FXYD3: variants seen among roughly 807,000 people sequenced by gnomAD.
The protein encoded by FXYD3 is FXYD domain containing ion transport regulator 3, also known as FXYD domain-containing ion transport regulator 3.
A neutral mutation model predicts 19.2 loss-of-function variants in FXYD3; 13 were observed. That is an observed-to-expected ratio of 0.68 (90% CI 0.44 to 1.08). FXYD3 has a LOEUF of 1.08. Among genes scored for constraint, FXYD3 ranks in the 50% least tolerant of loss-of-function variants. The pLI is 0.00. For missense variants in FXYD3, 101 were observed against 109.4 expected (o/e 0.92, Z 0.34); for synonymous variants, 48 against 38.9 (o/e 1.23, Z -0.87).
intron 2 of FXYD3, among the ~76,000 whole-genome samples, chr19:35,117,741 T>C (rs1600439869): frequency 5.3e-4 from 7 of 13,244 alleles, no homozygotes; most frequent in Admixed American, 8.4e-4. Context: ...CCCCAAAGCC[T>C]CAGGCTTTCT....
chr19:35,119,306 C>A, intron 2 of FXYD3, 57 bp from the exon 3 acceptor site: 4 of 1,607,708 alleles, frequency 2.5e-6, no homozygotes, highest in Non-Finnish European at 3.4e-6. Flanking sequence ...GAGCCACAGG[C>A]ACAGGGCCAG....
intron 6 of FXYD3, 26 bp from the exon 7 acceptor site, chr19:35,122,892 C>T (rs776478399): frequency 1.9e-5 from 30 of 1,613,562 alleles, no homozygotes; most frequent in Non-Finnish European, 2.4e-5. Flanking sequence ...GCTCCCCTCC[C>T]CTGACCACTC....
intron 5 of FXYD3, 192 bp downstream of exon 5, chr19:35,121,437 T>G: frequency 1.3e-6 from 2 of 1,506,898 alleles, no homozygotes; most frequent in South Asian, 2.6e-5. Context: ...TTGGGAAGGT[T>G]CTATTCCAGC....
In FXYD3 at chr19:35,119,543, G is replaced by A. The variant is rs577066482; in HGVS notation, c.40+127G>A. 26 of 827,750 alleles carry A rather than the reference G, an allele frequency of 3.1e-5. No homozygotes were observed. In the South Asian group the frequency reaches 4.0e-4, roughly 13 times the overall value. The allele number at this position is 827,750 out of a possible 1,614,324, so 51.3% of individuals were successfully genotyped here. On this transcript the variant is annotated intron_variant, in intron 3 of 8. Coordinates refer to ENST00000604404, the MANE Select transcript of FXYD3 (RefSeq NM_005971.4). Reference sequence around the variant, plus strand: ...GTAAATGTTAGAACAGCATCTCCCTGAGGGTAAGAAAAGTCAGACTAGTGA... The same window carrying A: ...GTAAATGTTAGAACAGCATCTCCCTAAGGGTAAGAAAAGTCAGACTAGTGA...
Position 35,116,252 on chromosome 19 carries a change from C to T in FXYD3, c.-110-12C>T, listed in dbSNP as rs1363693869. ...GGCCTCAGGGCATCTGACTTGTTTT[C>T]TACCTGCCCAGGTTTGCTTAGGGCG... On this transcript the variant is annotated splice_polypyrimidine_tract_variant and intron_variant, in intron 1 of 8. Coordinates refer to ENST00000604404, the MANE Select transcript of FXYD3 (RefSeq NM_005971.4). The T allele has an allele frequency of 1.0e-6, 1 of 985,274 alleles. No individual in the cohort carries two copies. The highest frequency in any genetic ancestry group is 1.1e-4 in the East Asian group (1 of 8,822). 61.0% of individuals were successfully genotyped at this position (985,274 alleles called of 1,614,324 possible). A position where few individuals can be genotyped will look rare whatever the true frequency, so the allele number is the denominator to read the frequency against.
chr19:35,122,824 A>G lies in FXYD3; in HGVS notation c.157A>G (p.Ile53Val). 1 of 1,614,096 alleles carries G rather than the reference A, an allele frequency of 6.2e-7. No homozygotes were observed. The highest frequency in any genetic ancestry group is 1.1e-5 in the South Asian group (1 of 91,092). ...ICAGVLCAMGIIIVMSAKCKC... is the reference protein window; with the variant it reads ...ICAGVLCAMGVIIVMSAKCKC... The stretch of plus-strand genomic sequence containing the variant: ...CGCTGGGGTTCTGTGCGCCATGGGC[A>G]TCATCATCGTCATGAGTGAGTGGAG... Residue 53 changes from isoleucine (I) to valine (V), a missense_variant, in exon 6 of 9, where the codon ATC (isoleucine) becomes GTC (valine). Physicochemically the swap from Ile to Val is conservative, Grantham distance 29. Transcript: ENST00000604404.
chr19:35,119,552 A>G, intron 3 of FXYD3, 136 bp downstream of exon 3: 1 of 761,054 alleles, frequency 1.3e-6, no homozygotes, highest in Non-Finnish European at 2.2e-6. Context: ...TGAGGGTAAG[A>G]AAAGTCAGAC....
At chr19:35,119,324 G>A in intron 2 of FXYD3, 39 bp from the exon 3 acceptor site, 2 of 1,610,956 alleles carry the variant, frequency 1.2e-6, no homozygotes, top group Non-Finnish European at 1.7e-6. Flanking sequence ...CAGCCTCCCG[G>A]TGGCTCTGCT....
chr19:35,121,166 A>G lies in FXYD3; in HGVS notation c.73+56A>G, dbSNP rs1045856855. On this transcript the variant is annotated intron_variant, in intron 4 of 8. Transcript: ENST00000604404. ...CCCCCAAATTCTCCCCTGGGTGGGG[A>G]AGGCCTGCATCCTGGCTGTAATCCT... The G allele has an allele frequency of 1.9e-6, 3 of 1,614,036 alleles. No homozygotes were observed. In the Admixed American group the frequency reaches 5.0e-5, roughly 27 times the overall value.
chr19:35,117,205 C>T, intron 2 of FXYD3: 5 of 1,424,626 alleles, frequency 3.5e-6, no homozygotes, highest in Non-Finnish European at 4.6e-6. Context: ...GCAGACCCAG[C>T]TCCCGGCTCC....
In FXYD3 at chr19:35,123,909, A is replaced by T; in HGVS notation, c.*452A>T. 4.7e-6 allele frequency: 1 copy of T among 213,164 alleles called. No individual in the cohort carries two copies. Among genetic ancestry groups the T allele is most frequent in the South Asian group, 8.2e-5 (1 of 12,138 alleles). The allele number at this position is 213,164 out of a possible 1,614,324, so 13.2% of individuals were successfully genotyped here. ...TGAAAGAGAGCTCTAACCAGATGGA[A>T]CACTGGAACATTCCAGTGGACCCTG... On this transcript the variant is annotated 3_prime_UTR_variant, in exon 9 of 9. Coordinates refer to ENST00000604404, the MANE Select transcript of FXYD3 (RefSeq NM_005971.4).
intron 3 of FXYD3, 86 bp downstream of exon 3, chr19:35,119,502 C>A: frequency 2.4e-6 from 3 of 1,251,348 alleles, no homozygotes; most frequent in Non-Finnish European, 1.2e-6. Flanking sequence ...TGCTTTTCTA[C>A]CTCCCCGGGA....
Position 35,119,478 on chromosome 19 carries a change from C to T in FXYD3, c.40+62C>T, listed in dbSNP as rs933912031. On this transcript the variant is annotated intron_variant, in intron 3 of 8. Transcript: ENST00000604404. ...TCCCCTGGATGCGGGGATCCAACCT[C>T]TGTCTCTCTCCTGTGCTTTTCTACC... is the stretch of plus-strand genomic sequence containing the variant. 9.7e-6 allele frequency: 14 copies of T among 1,439,162 alleles called. 1 individual carries two copies. In the Admixed American group the frequency reaches 1.0e-4, roughly 10 times the overall value. The allele number at this position is 1,439,162 out of a possible 1,614,324, so 89.1% of individuals were successfully genotyped here.
chr19:35,119,783 C>T (rs1256279168), intron 3 of FXYD3: 4 of 277,634 alleles, frequency 1.4e-5, no homozygotes, highest in Non-Finnish European at 2.7e-5. Flanking sequence ...CGATCCTACT[C>T]TCTTAGCCTC....
At chr19:35,119,680 T>TC (rs1185335262) in intron 3 of FXYD3, 9 of 430,372 alleles carry the variant, frequency 2.1e-5, no homozygotes, top group Admixed American at 5.8e-5. Context: ...TTTTTGTTTT[T>TC]GTTTTTGTTT....
chr19:35,117,757 C>CAAAAAAAAAAAAAAAAAAAAAAAAAAGAA (rs67977522), intron 2 of FXYD3, among the ~76,000 whole-genome samples: 1 of 65,722 alleles, frequency 1.5e-5, no homozygotes, highest in East Asian at 6.2e-4. Context: ...TTTCTTCCCG[C>CAAAAAAAAAAAAAAAAAAAAAAAAAAGAA]AAAAAAAGGA....
intron 2 of FXYD3, chr19:35,117,257 A>G: frequency 6.7e-7 from 1 of 1,486,780 alleles, no homozygotes. Flanking sequence ...TGTTTTGCAG[A>G]GGCTGGGGCG....
Position 35,121,623 on chromosome 19 carries a change from C to T in FXYD3, c.97+378C>T, listed in dbSNP as rs2065045757. The T allele has an allele frequency of 6.8e-6, 7 of 1,024,140 alleles. No individual in the cohort carries two copies. In the East Asian group the frequency reaches 2.7e-4, roughly 39 times the overall value. 63.4% of individuals were successfully genotyped at this position (1,024,140 alleles called of 1,614,324 possible). On this transcript the variant is annotated intron_variant, in intron 5 of 8. Transcript: ENST00000604404. ...ACCTGCTCCCTACTCCCCGCTCTGC[C>T]CTCACCTCTCCACGCTCCTCATTCC...
intron 8 of FXYD3, 62 bp downstream of exon 8, chr19:35,123,370 G>GTGTA (rs1555732596): frequency 9.6e-6 from 15 of 1,565,096 alleles, no homozygotes; most frequent in African/African-American, 5.5e-5. Flanking sequence ...GTGTGTGTAT[G>GTGTA]TGTGTGTTTG....
Sources: allele counts gnomAD v4.1 joint callset (sites outside exome capture counted in the v4.1 genomes callset), GRCh38; gene constraint gnomAD v4.1.1; transcripts MANE v1.5; gene names NCBI Gene and HGNC (gene_info 2026-07-23, HGNC 2026-07-21).